MYT1L: variants seen among roughly 807,000 people sequenced by gnomAD.
MYT1L encodes myelin transcription factor 1 like, also known as myelin transcription factor 1-like protein.
MYT1L carries 12 observed loss-of-function variants against 126.7 expected under a neutral mutation model. That is an observed-to-expected ratio of 0.09 (90% CI 0.06 to 0.15). The LOEUF is 0.15. Ranked by LOEUF, MYT1L falls within the 10% of genes least tolerant of loss-of-function variation. The probability of loss-of-function intolerance (pLI) is 1.00; values close to 1 mark genes in which losing one functional copy is unlikely to be tolerated. For missense variants in MYT1L, 979 were observed against 1,585.2 expected (o/e 0.62, Z 6.49); for synonymous variants, 541 against 604.2 (o/e 0.90, Z 1.53).
chr2:1,877,131 C>A (rs1479456460), intron 18 of MYT1L, among the ~76,000 whole-genome samples: 2 of 152,190 alleles, frequency 1.3e-5, no homozygotes, highest in Non-Finnish European at 2.9e-5. Context: ...TCTGGGGAGA[C>A]CCCCGTGGTT....
chr2:1,987,394 C>G (rs933825140), intron 5 of MYT1L, among the ~76,000 whole-genome samples: 1 of 148,306 alleles, frequency 6.7e-6, no homozygotes, highest in Non-Finnish European at 1.5e-5. Context: ...CTAAATTTCT[C>G]TTGGCCTCAG....
chr2:2,004,319 AGGCGTTCTTTCCTGCATACGTTCTTTCC>A (rs1558698478), intron 4 of MYT1L, among the ~76,000 whole-genome samples: 91 of 132,620 alleles, frequency 6.9e-4, no homozygotes, highest in African/African-American at 8.6e-4. Flanking sequence ...TCTTTCCTGC[AGGCGTTCTTTCCTGCATACGTTCTTTCC>A]TGCGTGCCTT....
intron 21 of MYT1L, among the ~76,000 whole-genome samples, chr2:1,812,407 T>C (rs1046976141): frequency 1.3e-5 from 2 of 152,186 alleles, no homozygotes; most frequent in Non-Finnish European, 2.9e-5. Context: ...GGGAGAGTGC[T>C]GGAGATGGAA....
In MYT1L at chr2:1,934,035, T is replaced by C. The variant is rs563498316; in HGVS notation, c.505+8947A>G. On this transcript the variant is annotated intron_variant, in intron 9 of 24. Transcript: ENST00000647738. Reference sequence around the variant, plus strand: ...TGTCGCCCAGGCTGGAGTGCAGTGGTGCGATCTCGGCTCACTGCAAGCTCC... The same window carrying C: ...TGTCGCCCAGGCTGGAGTGCAGTGGCGCGATCTCGGCTCACTGCAAGCTCC... Among the ~76,000 whole-genome samples the C allele has an allele frequency of 5.6e-4, 80 of 141,752 alleles. 2 individuals carry two copies. The South Asian group carries it at 0.01, about 18-fold the overall frequency. 93.0% of individuals were successfully genotyped at this position (141,752 alleles called of 152,430 possible).
rs1163794687 is a variant in MYT1L at position 2,059,419 on chromosome 2, C to T, written c.-303-5296G>A. ...GCACCCGGCGGCGGTCTCACAGCAC[C>T]GCAGGAAGCACCCAATGGTCTCACT... On this transcript the variant is annotated intron_variant, in intron 3 of 24. Transcript: ENST00000647738. This position sits in a 1 kb window ranked among gnomAD's most constrained non-coding sequence, Gnocchi z 4.7. Among the ~76,000 whole-genome samples, 2 of 149,358 alleles carry T rather than the reference C, an allele frequency of 1.3e-5. No homozygotes were observed. The highest frequency in any genetic ancestry group is 2.6e-5 in the African/African-American group (1 of 38,772).
chr2:2,012,832 T>A (rs967441439), intron 4 of MYT1L, among the ~76,000 whole-genome samples: 1 of 152,180 alleles, frequency 6.6e-6, no homozygotes, highest in East Asian at 1.9e-4. Flanking sequence ...CAGTGTTGTA[T>A]GCAGGGTGCC....
intron 2 of MYT1L, among the ~76,000 whole-genome samples, chr2:2,249,901 C>G (rs184905849): frequency 6.6e-6 from 1 of 151,980 alleles, no homozygotes; most frequent in African/African-American, 2.4e-5. Context: ...ATACAAATAT[C>G]AAACAGGCAT....
chr2:2,269,343 G>A (rs2095212471), intron 2 of MYT1L, among the ~76,000 whole-genome samples: 4 of 152,126 alleles, frequency 2.6e-5, no homozygotes, highest in Admixed American at 1.3e-4. Context: ...AGACCTTGTG[G>A]CCCTGCTCAA....
intron 4 of MYT1L, among the ~76,000 whole-genome samples, chr2:2,050,549 G>A (rs192858129): frequency 6.6e-6 from 1 of 152,290 alleles, no homozygotes; most frequent in African/African-American, 2.4e-5. Context: ...AGCAATCACA[G>A]TGGCTAATTG....
chr2:2,083,396 C>G (rs2076040416), intron 3 of MYT1L, among the ~76,000 whole-genome samples: 1 of 152,196 alleles, frequency 6.6e-6, no homozygotes, highest in African/African-American at 2.4e-5. Context: ...GAGCAGAGAT[C>G]CCACAGCCCG....
chr2:1,994,634 T>C (rs2061690130), intron 5 of MYT1L, among the ~76,000 whole-genome samples: 1 of 152,250 alleles, frequency 6.6e-6, no homozygotes, highest in Admixed American at 6.5e-5. Context: ...GAGCTGATTT[T>C]AACAAGTAAT....
At chr2:2,161,669 C>T (rs904975289) in intron 3 of MYT1L, among the ~76,000 whole-genome samples, 1 of 152,184 alleles carries the variant, frequency 6.6e-6, no homozygotes, top group African/African-American at 2.4e-5. Flanking sequence ...GAACCCAGCT[C>T]CCTGGGTATG....
At chr2:1,953,256 C>T (rs2058048377) in intron 8 of MYT1L, among the ~76,000 whole-genome samples, 1 of 152,188 alleles carries the variant, frequency 6.6e-6, no homozygotes, top group South Asian at 2.1e-4. Flanking sequence ...GGCCACCACG[C>T]CCAGCGTCTA....
intron 1 of MYT1L, among the ~76,000 whole-genome samples, chr2:2,320,566 G>A (rs2096145722): frequency 2.6e-5 from 4 of 151,820 alleles, no homozygotes; most frequent in Admixed American, 6.6e-5. Context: ...TACTCTTGAA[G>A]AGAAACAGCA....
chr2:1,913,668 T>C (rs777255968), intron 11 of MYT1L, among the ~76,000 whole-genome samples: 33 of 152,140 alleles, frequency 2.2e-4, no homozygotes, highest in Non-Finnish European at 4.0e-4. Context: ...TCCTTTCCTT[T>C]TATGGTAAAC....
chr2:2,208,000 A>G (rs1268068487), intron 2 of MYT1L, among the ~76,000 whole-genome samples: 2 of 152,014 alleles, frequency 1.3e-5, no homozygotes, highest in African/African-American at 2.4e-5. Flanking sequence ...AATCCACTCC[A>G]TGCCCCACTC....
chr2:2,279,191 T>A (rs913348090), intron 2 of MYT1L, among the ~76,000 whole-genome samples: 1 of 152,226 alleles, frequency 6.6e-6, no homozygotes, highest in African/African-American at 2.4e-5. Flanking sequence ...GTAAGGCCAC[T>A]ATGAAGTTCT....
intron 18 of MYT1L, among the ~76,000 whole-genome samples, chr2:1,885,688 T>C (rs1038433093): frequency 3.9e-5 from 6 of 152,202 alleles, no homozygotes; most frequent in East Asian, 1.9e-4. Flanking sequence ...TTTGACATAA[T>C]GATATGGCCT....
In MYT1L at chr2:1,922,246, A is replaced by G; in HGVS notation, c.1483+40T>C. 2.5e-6 allele frequency: 4 copies of G among 1,596,582 alleles called. No homozygotes were observed. Among genetic ancestry groups the G allele is most frequent in the Non-Finnish European group, 3.4e-6 (4 of 1,169,954 alleles). On this transcript the variant is annotated intron_variant, in intron 10 of 24. Coordinates refer to ENST00000647738, the MANE Select transcript of MYT1L (RefSeq NM_001303052.2). The surrounding 1 kb of genome is among the most constrained non-coding windows in gnomAD (Gnocchi z 7.4). The stretch of plus-strand genomic sequence containing the variant: ...CCACCAACATCCTTTACCCTAGCTC[A>G]TGTTTTCATGAGGCAACTTACGTTA...
Sources: allele counts gnomAD v4.1 joint callset (sites outside exome capture counted in the v4.1 genomes callset), GRCh38; gene constraint gnomAD v4.1.1; non-coding constraint Gnocchi (gnomAD v3.1); transcripts MANE v1.5; gene names NCBI Gene and HGNC (gene_info 2026-07-23, HGNC 2026-07-21).